IPO9: variants seen among roughly 807,000 people sequenced by gnomAD.
IPO9 encodes importin-9.
IPO9 carries 28 observed loss-of-function variants against 128.6 expected under a neutral mutation model. The ratio of observed to expected loss-of-function variants is 0.22; its 90% CI spans 0.16 to 0.30. The LOEUF (loss-of-function observed/expected upper bound fraction) is 0.30, where lower values mean the gene tolerates loss of function less well. IPO9 is among the 10% of genes least tolerant of loss of function. The pLI is 1.00. For synonymous variants in IPO9, 455 were observed against 475.8 expected (o/e 0.96, Z 0.57); for missense variants, 935 against 1,293.9 (o/e 0.72, Z 4.26).
chr1:201,869,701 G>T lies in IPO9; in HGVS notation c.2116G>T (p.Asp706Tyr). 1 of 1,614,134 alleles carries T rather than the reference G, an allele frequency of 6.2e-7. No homozygotes were observed. The highest frequency in any genetic ancestry group is 1.1e-5 in the South Asian group (1 of 91,072). The change falls in exon 17 of 24, where the codon GAC becomes TAC. Residue 706 changes from aspartate (D) to tyrosine (Y), a missense_variant. Physicochemically the swap from Asp to Tyr is radical, Grantham distance 160. Coordinates refer to ENST00000361565, the MANE Select transcript of IPO9 (RefSeq NM_018085.5). ...GGCACAGTGTACCCTTCACACAGAT[G>T]ACAATGCCACCATGCAGGTATCTGA... is the stretch of plus-strand genomic sequence containing the variant. The part of the protein sequence containing the change: ...AVAQCTLHTD[D>Y]NATMQNGGEC...
rs764993008 is a variant in IPO9 at position 201,881,392 on chromosome 1, C to T, written c.*5338C>T. On this transcript the variant is annotated 3_prime_UTR_variant, in exon 24 of 24. Coordinates refer to ENST00000361565, the MANE Select transcript of IPO9 (RefSeq NM_018085.5). Reference sequence around the variant, plus strand: ...TGCAAGTGTGTGATTATAGTCCAAGCAGCTTGTACTTGTTGCCTATTTGTT... The same window carrying T: ...TGCAAGTGTGTGATTATAGTCCAAGTAGCTTGTACTTGTTGCCTATTTGTT... The T allele has an allele frequency of 1.3e-5, 2 of 152,210 alleles. No individual in the cohort carries two copies. The highest frequency in any genetic ancestry group is 6.5e-5 in the Admixed American group (1 of 15,278). The allele number at this position is 152,210 out of a possible 1,614,324, so 9.4% of individuals were successfully genotyped here. A position where few individuals can be genotyped will look rare whatever the true frequency, so the allele number is the denominator to read the frequency against.
chr1:201,869,850 T>A, intron 17 of IPO9, 132 bp downstream of exon 17: 1 of 1,168,058 alleles, frequency 8.6e-7, no homozygotes, highest in Non-Finnish European at 1.2e-6. Context: ...CTTAGCAGAT[T>A]CAGGAAGGGT....
rs1489009628 is a variant in IPO9, at chr1:201,879,802, GC to G, written c.*3750del. 1 of 152,208 alleles carries G rather than the reference GC, an allele frequency of 6.6e-6. No individual in the cohort carries two copies. The highest frequency in any genetic ancestry group is 1.5e-5 in the Non-Finnish European group (1 of 68,060). 9.4% of individuals were successfully genotyped at this position (152,208 alleles called of 1,614,324 possible). A position where few individuals can be genotyped will look rare whatever the true frequency, so the allele number is the denominator to read the frequency against. On this transcript the variant is annotated 3_prime_UTR_variant, in exon 24 of 24. Transcript: ENST00000361565. The stretch of plus-strand genomic sequence containing the variant: ...ACCTGTAATCCCAACACTTTGGGAG[GC>G]CTAGGTGGGTAAATCAGCTGAGATC...
chr1:201,854,766 A>G (rs981902255), intron 7 of IPO9, 52 bp downstream of exon 7: 1 of 1,608,406 alleles, frequency 6.2e-7, no homozygotes, highest in African/African-American at 1.3e-5. Flanking sequence ...CTGGTCTGAA[A>G]TCATTTATTT....
At chr1:201,857,653 G>A (rs1177660451) in intron 11 of IPO9, among the ~76,000 whole-genome samples, 1 of 152,100 alleles carries the variant, frequency 6.6e-6, no homozygotes, top group East Asian at 1.9e-4. Flanking sequence ...AAATTAGCCG[G>A]GCGTGATGGC....
intron 1 of IPO9, among the ~76,000 whole-genome samples, chr1:201,838,608 T>C (rs1679982645): frequency 6.6e-6 from 1 of 152,172 alleles, no homozygotes; most frequent in Non-Finnish European, 1.5e-5. Context: ...GATTTAATCA[T>C]TTAATAACTC....
chr1:201,881,558 C>G lies in IPO9; in HGVS notation c.*5504C>G, dbSNP rs956564829. ...AAGTACTGATATTTATGCTTAAGTT[C>G]ACGGGAGTCCTGGCCAGAAATAAAG... On this transcript the variant is annotated 3_prime_UTR_variant, in exon 24 of 24. Transcript: ENST00000361565. 1 of 152,164 alleles carries G rather than the reference C, an allele frequency of 6.6e-6. No homozygotes were observed. The highest frequency in any genetic ancestry group is 1.5e-5 in the Non-Finnish European group (1 of 68,038). 9.4% of individuals were successfully genotyped at this position (152,164 alleles called of 1,614,324 possible).
At chr1:201,863,277 G>A (rs994985060) in intron 13 of IPO9, 171 bp from the exon 14 acceptor site, 8 of 467,642 alleles carry the variant, frequency 1.7e-5, no homozygotes, top group Middle Eastern at 6.9e-4. Flanking sequence ...GCTTGAACCC[G>A]GGGGACGGAG....
In IPO9 at chr1:201,871,376, C is replaced by CTTTT. The variant is rs556986429; in HGVS notation, c.2576+76_2576+79dup. On this transcript the variant is annotated intron_variant, in intron 19 of 23. Coordinates refer to ENST00000361565, the MANE Select transcript of IPO9 (RefSeq NM_018085.5). The stretch of plus-strand genomic sequence containing the variant: ...GGGCATTCTGCCACCACTCATATTT[C>CTTTT]TTTTTTTTTTTTTTTTTTTTTTTTT... 2.4e-3 allele frequency: 362 copies of CTTTT among 149,272 alleles called. 31 individuals are homozygous for CTTTT. Among genetic ancestry groups the CTTTT allele is most frequent in the African/African-American group, 7.6e-3 (114 of 14,954 alleles). 9.2% of individuals were successfully genotyped at this position (149,272 alleles called of 1,614,324 possible). A position where few individuals can be genotyped will look rare whatever the true frequency, so the allele number is the denominator to read the frequency against.
intron 14 of IPO9, among the ~76,000 whole-genome samples, chr1:201,865,182 C>CT (rs1199425017): frequency 1.3e-5 from 2 of 149,574 alleles, no homozygotes; most frequent in Admixed American, 6.7e-5. Flanking sequence ...CCGTGTCACA[C>CT]TATTGGAACT....
chr1:201,851,911 C>T (rs1050302138), intron 4 of IPO9, among the ~76,000 whole-genome samples, 193 bp from the exon 5 acceptor site: 5 of 151,822 alleles, frequency 3.3e-5, no homozygotes, highest in Non-Finnish European at 7.4e-5. Context: ...CCATATTATT[C>T]TTTCTCCTTC....
At chr1:201,868,507 C>T in intron 15 of IPO9, 141 bp from the exon 16 acceptor site, 1 of 759,676 alleles carries the variant, frequency 1.3e-6, no homozygotes, top group Non-Finnish European at 2.0e-6. Flanking sequence ...TTCATGTGGC[C>T]CCACTAGGTC....
intron 5 of IPO9, among the ~76,000 whole-genome samples, chr1:201,852,521 A>G (rs1408441720): frequency 6.6e-6 from 1 of 152,202 alleles, no homozygotes; most frequent in Non-Finnish European, 1.5e-5. Flanking sequence ...ACCTCAGCTA[A>G]GTAATGGGAA....
intron 1 of IPO9, among the ~76,000 whole-genome samples, chr1:201,845,023 G>A (rs952828418): frequency 1.6e-4 from 22 of 140,548 alleles, no homozygotes; most frequent in African/African-American, 5.2e-4. Flanking sequence ...ATTTTTTTTG[G>A]GAGGGGGGGG....
intron 14 of IPO9, 65 bp from the exon 15 acceptor site, chr1:201,866,668 G>GCT: frequency 8.1e-7 from 1 of 1,232,424 alleles, no homozygotes; most frequent in Non-Finnish European, 1.2e-6. Context: ...TAATATGTGA[G>GCT]ATTGATTGGG....
chr1:201,858,574 G>T, intron 12 of IPO9, 21 bp downstream of exon 12: 1 of 1,362,706 alleles, frequency 7.3e-7, no homozygotes, highest in South Asian at 1.4e-5. Flanking sequence ...GCCGCTAATT[G>T]GTTAAGATGC....
intron 15 of IPO9, among the ~76,000 whole-genome samples, chr1:201,867,983 TA>T (rs1680585876): frequency 6.6e-6 from 1 of 152,232 alleles, no homozygotes; most frequent in Non-Finnish European, 1.5e-5. Context: ...AATGGACATC[TA>T]GGGTATTCCC....
intron 9 of IPO9, among the ~76,000 whole-genome samples, 163 bp downstream of exon 9, chr1:201,855,345 C>T (rs1680311839): frequency 6.6e-6 from 1 of 152,168 alleles, no homozygotes; most frequent in African/African-American, 2.4e-5. Context: ...TGAGAATTGA[C>T]AATCTTTAAT....
In IPO9 at chr1:201,855,116, C is replaced by A. The variant is rs748444492; in HGVS notation, c.912-8C>A. ...CTCCAAATTCTATTTCTTTACTCTTCATCATACTTATGTGAGGACAGAAGT... is the reference window on the plus strand; with the variant it reads ...CTCCAAATTCTATTTCTTTACTCTTAATCATACTTATGTGAGGACAGAAGT... On this transcript the variant is annotated splice_polypyrimidine_tract_variant and splice_region_variant and intron_variant, in intron 8 of 23. Coordinates refer to ENST00000361565, the MANE Select transcript of IPO9 (RefSeq NM_018085.5). The A allele has an allele frequency of 6.4e-7, 1 of 1,567,152 alleles. No individual in the cohort carries two copies. Among genetic ancestry groups the A allele is most frequent in the Non-Finnish European group, 8.8e-7 (1 of 1,139,390 alleles).
Sources: allele counts gnomAD v4.1 joint callset (sites outside exome capture counted in the v4.1 genomes callset), GRCh38; gene constraint gnomAD v4.1.1; transcripts MANE v1.5; gene names NCBI Gene and HGNC (gene_info 2026-07-23, HGNC 2026-07-21).